Variants in CAMK4 observed in about 807,000 individuals in gnomAD.
CAMK4 encodes the protein calcium/calmodulin dependent protein kinase IV, also known as calcium/calmodulin-dependent protein kinase type IV.
Under a neutral mutation model 44.9 loss-of-function variants are expected in CAMK4, and 22 were observed. That is an observed-to-expected ratio of 0.49 (90% CI 0.35 to 0.70). CAMK4 has a LOEUF of 0.70. CAMK4 is among the 30% of genes least tolerant of loss of function. The pLI is 0.01. For synonymous variants in CAMK4, 218 were observed against 215.4 expected (o/e 1.01, Z -0.11); for missense variants, 498 against 586.8 (o/e 0.85, Z 1.56).
In CAMK4 at chr5:111,473,322, C is replaced by T. The variant is rs766646584; in HGVS notation, c.637C>T (p.Leu213Phe). 1 of 1,610,338 alleles carries T rather than the reference C, an allele frequency of 6.2e-7. No individual in the cohort carries two copies. Among genetic ancestry groups the T allele is most frequent in the Non-Finnish European group, 8.5e-7 (1 of 1,176,840 alleles). Residue 213 changes from leucine to phenylalanine, a missense_variant, in exon 8 of 11, where the codon CTT becomes TTT. This residue lies in a region of CAMK4 where 203 missense variants were observed against 298.2 expected (regional missense o/e 0.68). Coordinates refer to ENST00000282356, the MANE Select transcript of CAMK4 (RefSeq NM_001744.6). ...CACTTTTTCTGCAGCACCTGAAATT[C>T]TTAGAGGTTGTGCCTATGGACCTGA... ...GTPGYCAPEI[L>F]RGCAYGPEVD... is the part of the protein sequence containing the mutation.
chr5:111,258,282 G>A (rs1047674589), intron 1 of CAMK4, among the ~76,000 whole-genome samples: 1 of 152,126 alleles, frequency 6.6e-6, no homozygotes. Context: ...ATATATTTAA[G>A]ATGTACAGCT....
At chr5:111,401,056 A>G (rs959946552) in intron 5 of CAMK4, among the ~76,000 whole-genome samples, 2 of 152,070 alleles carry the variant, frequency 1.3e-5, no homozygotes, top group Non-Finnish European at 2.9e-5. Context: ...TCTCTTTTGT[A>G]TGTCTTAATT....
rs1283245742 is a variant in CAMK4, at chr5:111,492,738, T to C, written c.*8272T>C. The C allele has an allele frequency of 6.6e-6, 1 of 152,196 alleles. No homozygotes were observed. Among genetic ancestry groups the C allele is most frequent in the African/African-American group, 2.4e-5 (1 of 41,454 alleles). The allele number at this position is 152,196 out of a possible 1,614,324, so 9.4% of individuals were successfully genotyped here. ...TTCACTGAGAAACTATTATATGCCATGGAGGAGTCAAAGATGAATTAAATC... is the reference window on the plus strand; with the variant it reads ...TTCACTGAGAAACTATTATATGCCACGGAGGAGTCAAAGATGAATTAAATC... On this transcript the variant is annotated 3_prime_UTR_variant, in exon 11 of 11. Transcript: ENST00000282356.
chr5:111,299,372 A>G (rs1470614732), intron 1 of CAMK4, among the ~76,000 whole-genome samples: 3 of 152,146 alleles, frequency 2.0e-5, no homozygotes, highest in Non-Finnish European at 2.9e-5. Context: ...GAATAAAGGC[A>G]TGTCGAAACT....
intron 2 of CAMK4, among the ~76,000 whole-genome samples, chr5:111,353,185 A>G (rs114214732): frequency 6.6e-6 from 1 of 152,098 alleles, no homozygotes; most frequent in Non-Finnish European, 1.5e-5. Flanking sequence ...GGAACTTTAC[A>G]TACACTATTG....
intron 5 of CAMK4, among the ~76,000 whole-genome samples, chr5:111,425,194 C>A (rs778023940): frequency 6.6e-6 from 1 of 151,720 alleles, no homozygotes; most frequent in Non-Finnish European, 1.5e-5. Flanking sequence ...TTTAACATCC[C>A]TGACGTGAGT....
intron 1 of CAMK4, among the ~76,000 whole-genome samples, chr5:111,281,662 G>A (rs1729748433): frequency 6.6e-6 from 1 of 152,286 alleles, no homozygotes; most frequent in South Asian, 2.1e-4. Context: ...AAGAAGTCAA[G>A]TTCATGAGAG....
In CAMK4 at chr5:111,363,932, G is replaced by C. The variant is rs201780613; in HGVS notation, c.241-10918G>C. Among the ~76,000 whole-genome samples the C allele has an allele frequency of 3.3e-5, 5 of 152,224 alleles. 1 individual carries two copies. The East Asian group carries it at 9.7e-4, about 29-fold the overall frequency. Reference sequence around the variant, plus strand: ...AAAGATATCATTCTGGATGTTGTGTGTAGAAGGACTGAATATAAAGGGTAA... The same window carrying C: ...AAAGATATCATTCTGGATGTTGTGTCTAGAAGGACTGAATATAAAGGGTAA... On this transcript the variant is annotated intron_variant, in intron 2 of 10. Coordinates refer to ENST00000282356, the MANE Select transcript of CAMK4 (RefSeq NM_001744.6).
At position 111,489,316 on chromosome 5, in the gene CAMK4, T is replaced by A. The variant is rs898015155; in HGVS notation, c.*4850T>A. 7.2e-5 allele frequency: 11 copies of A among 152,194 alleles called. No individual in the cohort carries two copies. The highest frequency in any genetic ancestry group is 1.3e-4 in the Non-Finnish European group (9 of 68,036). The allele number at this position is 152,194 out of a possible 1,614,324, so 9.4% of individuals were successfully genotyped here. A position where few individuals can be genotyped will look rare whatever the true frequency, so the allele number is the denominator to read the frequency against. ...CCACCCACAGTAACCAAGTTCAGTA[T>A]TTCCTCTTTCTATATTTTGACCAAT... On this transcript the variant is annotated 3_prime_UTR_variant, in exon 11 of 11. Transcript: ENST00000282356.
At chr5:111,349,572 T>C (rs1246845183) in intron 2 of CAMK4, among the ~76,000 whole-genome samples, 4 of 151,908 alleles carry the variant, frequency 2.6e-5, no homozygotes, top group Admixed American at 6.6e-5. Context: ...AATTAAGCAG[T>C]TGGAAACTTC....
chr5:111,309,385 A>G (rs576290099), intron 1 of CAMK4, among the ~76,000 whole-genome samples: 16 of 152,276 alleles, frequency 1.1e-4, no homozygotes, highest in Non-Finnish European at 1.9e-4. Flanking sequence ...GGAACCTTTC[A>G]GGTGTCTGGG....
chr5:111,362,893 A>G (rs971114341), intron 2 of CAMK4, among the ~76,000 whole-genome samples: 4 of 152,092 alleles, frequency 2.6e-5, no homozygotes, highest in Admixed American at 6.6e-5. Context: ...TTGAGAATGG[A>G]TAGTACATTC....
intron 1 of CAMK4, among the ~76,000 whole-genome samples, chr5:111,268,476 G>C (rs905085491): frequency 6.6e-6 from 1 of 152,204 alleles, no homozygotes; most frequent in Non-Finnish European, 1.5e-5. Context: ...TGAATTTCCA[G>C]CCAAGGAATG....
At chr5:111,248,590 C>T (rs1266588292) in intron 1 of CAMK4, among the ~76,000 whole-genome samples, 2 of 150,052 alleles carry the variant, frequency 1.3e-5, no homozygotes, top group Non-Finnish European at 3.0e-5. Context: ...TTACTGTTTT[C>T]TCACAGTATC....
At chr5:111,368,227 T>C (rs1251984693) in intron 2 of CAMK4, among the ~76,000 whole-genome samples, 1 of 152,168 alleles carries the variant, frequency 6.6e-6, no homozygotes, top group Non-Finnish European at 1.5e-5. Flanking sequence ...TGTTGATGCT[T>C]CTCAAGATGT....
At chr5:111,450,066 C>CATGAGGTGG (rs1754171940) in intron 7 of CAMK4, among the ~76,000 whole-genome samples, 1 of 152,228 alleles carries the variant, frequency 6.6e-6, no homozygotes, top group African/African-American at 2.4e-5. Context: ...TGCCTATAAT[C>CATGAGGTGG]CCAGCACTTT....
In CAMK4 at chr5:111,340,780, A is replaced by G. The variant is rs1167870983; in HGVS notation, c.162-3244A>G. The stretch of plus-strand genomic sequence containing the variant: ...AAAGAGTTTGAGACGGATTGGTATT[A>G]GTTTTTTTTAATGTTTGGTAAAATT... On this transcript the variant is annotated intron_variant, in intron 1 of 10. Coordinates refer to ENST00000282356, the MANE Select transcript of CAMK4 (RefSeq NM_001744.6). 2.0e-5 allele frequency among the ~76,000 whole-genome samples: 3 copies of G among 151,088 alleles called. No homozygotes were observed. In the East Asian group the frequency reaches 5.9e-4, roughly 29 times the overall value.
chr5:111,441,536 A>G (rs1480010332), intron 5 of CAMK4, among the ~76,000 whole-genome samples: 2 of 152,166 alleles, frequency 1.3e-5, no homozygotes, highest in African/African-American at 2.4e-5. Flanking sequence ...GGGTGCTACA[A>G]TTGTCAGATT....
chr5:111,357,978 C>T (rs919600643), intron 2 of CAMK4: 1 of 151,838 alleles, frequency 6.6e-6, no homozygotes, highest in Non-Finnish European at 1.5e-5. Context: ...CCATGAAGGC[C>T]CTGATAGAGA....
Sources: gnomAD v4.1 joint callset for allele counts (sites outside exome capture counted in the v4.1 genomes callset) on GRCh38, gnomAD v4.1.1 for gene constraint, gnomAD v4.1.1 regional missense constraint, MANE v1.5 for transcripts, NCBI Gene and HGNC (gene_info 2026-07-23, HGNC 2026-07-21) for gene names.